ZNF407: variants seen among roughly 807,000 people sequenced by gnomAD.
The protein encoded by ZNF407 is zinc finger protein 407.
A neutral mutation model predicts 131.2 loss-of-function variants in ZNF407; 17 were observed. The ratio of observed to expected loss-of-function variants is 0.13; its 90% CI spans 0.09 to 0.19. ZNF407 has a LOEUF of 0.19. Among genes scored for constraint, ZNF407 ranks in the 10% least tolerant of loss-of-function variants. The pLI is 1.00. For synonymous variants in ZNF407, 1,156 were observed against 1,062.0 expected, an observed-to-expected ratio of 1.09 and a Z score of -1.72; for missense variants, 2,681 against 2,830.6, an observed-to-expected ratio of 0.95 and a Z score of 1.20.
intron 3 of ZNF407, among the ~76,000 whole-genome samples, chr18:74,773,925 A>G (rs991759357): frequency 6.6e-6 from 1 of 152,194 alleles, no homozygotes; most frequent in African/African-American, 2.4e-5. Context: ...ACCACTACCT[A>G]CTATAAGAAA....
chr18:74,743,262 A>G (rs1053263896), intron 3 of ZNF407, among the ~76,000 whole-genome samples: 3 of 152,166 alleles, frequency 2.0e-5, no homozygotes, highest in Non-Finnish European at 4.4e-5. Flanking sequence ...CTCAAAATAT[A>G]TATTTTAACA....
At chr18:74,768,667 T>A (rs1157637021) in intron 3 of ZNF407, among the ~76,000 whole-genome samples, 2 of 152,170 alleles carry the variant, frequency 1.3e-5, no homozygotes, top group African/African-American at 4.8e-5. Flanking sequence ...ATAGATAGAT[T>A]TTTCTTACAC....
intron 8 of ZNF407, among the ~76,000 whole-genome samples, chr18:74,966,840 A>C (rs1208431614): frequency 6.6e-6 from 1 of 152,166 alleles, no homozygotes; most frequent in Non-Finnish European, 1.5e-5. Flanking sequence ...TTCTTTCATC[A>C]GTGTCTTAAA....
chr18:75,012,376 T>C (rs557306228), intron 8 of ZNF407, among the ~76,000 whole-genome samples: 30 of 92,182 alleles, frequency 3.3e-4, no homozygotes, highest in African/African-American at 8.7e-4. Flanking sequence ...ACATAGTGTA[T>C]GTACACATAG....
At position 74,703,704 on chromosome 18, in the gene ZNF407, T is replaced by A. The variant is rs1188865305; in HGVS notation, c.4802+62582T>A. On this transcript the variant is annotated intron_variant, in intron 3 of 8. Transcript: ENST00000299687. The surrounding 1 kb of genome is among the most constrained non-coding windows in gnomAD (Gnocchi z 4.1). Reference sequence around the variant, plus strand: ...TGGGCTATGAGATTGATTTTTTTTTTAACTGAATATGGTAATGTTTTTAAT... The same window carrying A: ...TGGGCTATGAGATTGATTTTTTTTTAAACTGAATATGGTAATGTTTTTAAT... Among the ~76,000 whole-genome samples the A allele has an allele frequency of 6.6e-6, 1 of 152,110 alleles. No homozygotes were observed. The highest frequency in any genetic ancestry group is 1.9e-4 in the East Asian group (1 of 5,186).
intron 8 of ZNF407, among the ~76,000 whole-genome samples, chr18:75,046,447 C>T (rs796563948): frequency 1.4e-4 from 21 of 152,326 alleles, no homozygotes; most frequent in Admixed American, 4.6e-4. Context: ...CTGTGCATCC[C>T]TCCACTCATT....
chr18:74,862,580 G>T (rs1223848667), intron 4 of ZNF407, among the ~76,000 whole-genome samples: 1 of 152,168 alleles, frequency 6.6e-6, no homozygotes, highest in African/African-American at 2.4e-5. Flanking sequence ...ATGTAGTACT[G>T]TATCGAAGTT....
At chr18:75,026,351 T>C (rs1973171084) in intron 8 of ZNF407, among the ~76,000 whole-genome samples, 1 of 152,216 alleles carries the variant, frequency 6.6e-6, no homozygotes, top group Non-Finnish European at 1.5e-5. Context: ...AACAAAATCT[T>C]CTGAGTCATG....
At position 74,835,639 on chromosome 18, in the gene ZNF407, TG is replaced by T. The variant is rs1336568108; in HGVS notation, c.4878-41557del. 1.5e-3 allele frequency among the ~76,000 whole-genome samples: 222 copies of T among 144,092 alleles called. 2 individuals carry two copies. Among genetic ancestry groups the T allele is most frequent in the Middle Eastern group, 0.014 (4 of 294 alleles). 94.5% of individuals were successfully genotyped at this position (144,092 alleles called of 152,430 possible). ...TCTTGGACAGAGGGGGGTGTGTGTG[TG>T]TGTGTGTGTGTGTGTGTGTGTGTGT... On this transcript the variant is annotated intron_variant, in intron 4 of 8. Coordinates refer to ENST00000299687, the MANE Select transcript of ZNF407 (RefSeq NM_017757.3).
intron 8 of ZNF407, among the ~76,000 whole-genome samples, chr18:74,968,700 A>G (rs1467906294): frequency 6.6e-6 from 1 of 152,074 alleles, no homozygotes; most frequent in Non-Finnish European, 1.5e-5. Flanking sequence ...TTTCTGGTTG[A>G]TTTCAAGATT....
intron 3 of ZNF407, among the ~76,000 whole-genome samples, chr18:74,645,959 C>T (rs1334261386): frequency 6.6e-6 from 1 of 152,110 alleles, no homozygotes; most frequent in African/African-American, 2.4e-5. Flanking sequence ...ATTATTTAAA[C>T]CTCTAATGGT....
In ZNF407 at chr18:74,657,676, T is replaced by G. The variant is rs182019778; in HGVS notation, c.4802+16554T>G. 4.7e-4 allele frequency among the ~76,000 whole-genome samples: 72 copies of G among 152,298 alleles called. 1 individual carries two copies. The highest frequency in any genetic ancestry group is 3.4e-3 in the Middle Eastern group (1 of 294). ...ACCTCCACGTTGGTTCCTGGCTTTCTTTCCTCGGCATTGTCTGAATCACTT... is the reference window on the plus strand; with the variant it reads ...ACCTCCACGTTGGTTCCTGGCTTTCGTTCCTCGGCATTGTCTGAATCACTT... On this transcript the variant is annotated intron_variant, in intron 3 of 8. Transcript: ENST00000299687.
intron 3 of ZNF407, among the ~76,000 whole-genome samples, chr18:74,669,632 G>C (rs1986064926): frequency 1.3e-5 from 2 of 152,172 alleles, no homozygotes; most frequent in African/African-American, 4.8e-5. Context: ...CAGTGTTTCT[G>C]TGTTTCTCTG....
intron 1 of ZNF407, among the ~76,000 whole-genome samples, chr18:74,608,965 T>G (rs1475920818): frequency 6.6e-6 from 1 of 152,230 alleles, no homozygotes; most frequent in Non-Finnish European, 1.5e-5. Context: ...GACTCATTTT[T>G]TTTTTGATTT....
chr18:74,752,733 T>C (rs1443882135), intron 3 of ZNF407, among the ~76,000 whole-genome samples: 1 of 152,230 alleles, frequency 6.6e-6, no homozygotes, highest in East Asian at 1.9e-4. Context: ...CATTGGTTTA[T>C]ATCTCTGTTT....
At chr18:74,711,147 A>G (rs1967751470) in intron 3 of ZNF407, among the ~76,000 whole-genome samples, 1 of 152,160 alleles carries the variant, frequency 6.6e-6, no homozygotes, top group Admixed American at 6.5e-5. Flanking sequence ...TTAAGCTTCA[A>G]AATAAGTCGC....
chr18:74,806,226 C>T (rs925726298), intron 4 of ZNF407, among the ~76,000 whole-genome samples: 8 of 152,226 alleles, frequency 5.3e-5, no homozygotes, highest in Non-Finnish European at 8.8e-5. Context: ...GCGCCCCTTA[C>T]TTAGGATTAC....
chr18:74,883,825 T>G (rs1182099233), intron 6 of ZNF407, among the ~76,000 whole-genome samples: 1 of 152,210 alleles, frequency 6.6e-6, no homozygotes, highest in East Asian at 1.9e-4. Flanking sequence ...TAATGGTGAT[T>G]TGAGCCAAGA....
intron 3 of ZNF407, among the ~76,000 whole-genome samples, chr18:74,775,324 G>C (rs4891128): frequency 0.96 from 146,621 of 152,240 alleles, 70,848 homozygotes; most frequent in East Asian, 1. Flanking sequence ...GTGAGAGTAT[G>C]ATGACACAAC....
Sources: gnomAD v4.1 joint callset for allele counts (sites outside exome capture counted in the v4.1 genomes callset) on GRCh38, gnomAD v4.1.1 for gene constraint, Gnocchi (gnomAD v3.1) non-coding constraint, MANE v1.5 for transcripts, NCBI Gene and HGNC (gene_info 2026-07-23, HGNC 2026-07-21) for gene names.